Variants in POU6F2 observed in about 807,000 individuals in gnomAD.
POU6F2 encodes POU class 6 homeobox 2, also known as POU domain, class 6, transcription factor 2.
Under a neutral mutation model 71.3 loss-of-function variants are expected in POU6F2, and 31 were observed. The ratio of observed to expected loss-of-function variants is 0.43; its 90% confidence interval spans 0.33 to 0.59. The LOEUF (loss-of-function observed/expected upper bound fraction) is 0.59. Ranked by LOEUF, POU6F2 falls within the 20% of genes least tolerant of loss-of-function variation. The pLI, the probability that POU6F2 is intolerant of heterozygous loss-of-function variation, is 0.04. For missense variants in POU6F2, 783 were observed against 856.8 expected, an observed-to-expected ratio of 0.91 and a Z score of 1.07; for synonymous variants, 347 against 355.7, an observed-to-expected ratio of 0.98 and a Z score of 0.27.
At chr7:39,393,956 AG>A (rs1787126046) in intron 5 of POU6F2, among the ~76,000 whole-genome samples, 1 of 152,220 alleles carries the variant, frequency 6.6e-6, no homozygotes, top group Non-Finnish European at 1.5e-5. Flanking sequence ...ACTTAAGAAA[AG>A]TTTCTTGGGT....
At chr7:39,250,705 C>G (rs1783899206) in intron 4 of POU6F2, among the ~76,000 whole-genome samples, 1 of 152,194 alleles carries the variant, frequency 6.6e-6, no homozygotes, top group Non-Finnish European at 1.5e-5. Flanking sequence ...GCCACCGCTA[C>G]TCTGCTCAGT....
chr7:39,348,803 G>A (rs932941125), intron 5 of POU6F2, among the ~76,000 whole-genome samples: 1 of 152,134 alleles, frequency 6.6e-6, no homozygotes, highest in Non-Finnish European at 1.5e-5. Flanking sequence ...AAGATAGATG[G>A]GTAGATAGAA....
Position 39,135,448 on chromosome 7 carries a change from T to C in POU6F2, c.277+49417T>C, listed in dbSNP as rs186520724. Reference sequence around the variant, plus strand: ...AAATGTAAGCACAAGACCAGGAAACTATATTCAAAAGTACCTTAGAATGAC... The same window carrying C: ...AAATGTAAGCACAAGACCAGGAAACCATATTCAAAAGTACCTTAGAATGAC... On this transcript the variant is annotated intron_variant, in intron 2 of 9. Coordinates refer to ENST00000518318, the MANE Select transcript of POU6F2 (RefSeq NM_001370959.1). 3.9e-5 allele frequency among the ~76,000 whole-genome samples: 6 copies of C among 152,274 alleles called. No homozygotes were observed. In the East Asian group the frequency reaches 1.2e-3, roughly 29 times the overall value.
chr7:39,165,448 G>A (rs562891974), intron 2 of POU6F2, among the ~76,000 whole-genome samples: 2 of 152,112 alleles, frequency 1.3e-5, no homozygotes, highest in South Asian at 4.1e-4. Context: ...TGGCAGTTTC[G>A]TTAACTATTT....
At chr7:39,045,567 G>T (rs1790276753) in intron 1 of POU6F2, among the ~76,000 whole-genome samples, 1 of 149,872 alleles carries the variant, frequency 6.7e-6, no homozygotes, top group Admixed American at 6.7e-5. Flanking sequence ...AATCTTTATT[G>T]AGGCATAATT....
At chr7:39,234,065 A>G (rs542492660) in intron 4 of POU6F2, among the ~76,000 whole-genome samples, 12 of 152,326 alleles carry the variant, frequency 7.9e-5, no homozygotes, top group Non-Finnish European at 1.6e-4. Flanking sequence ...TGCTAAGCAT[A>G]CAGCACTATA....
At chr7:39,462,527 GC>G in intron 9 of POU6F2, among the ~76,000 whole-genome samples, 1 of 152,160 alleles carries the variant, frequency 6.6e-6, no homozygotes, top group Non-Finnish European at 1.5e-5. Flanking sequence ...ACACTGATCA[GC>G]CCTATCACAA....
rs1435740379 is a variant in POU6F2, at chr7:39,009,765, C to T, written c.105+31707C>T. Among the ~76,000 whole-genome samples, 4 of 151,600 alleles carry T rather than the reference C, an allele frequency of 2.6e-5. No homozygotes were observed. In the East Asian group the frequency reaches 7.8e-4, roughly 30 times the overall value. On this transcript the variant is annotated intron_variant, in intron 1 of 9. Transcript: ENST00000518318. ...TGAATTTTGTCAAAGGCTTTTTCTGCATCTATTGAGATAATCATGTGGTTT... is the reference window on the plus strand; with the variant it reads ...TGAATTTTGTCAAAGGCTTTTTCTGTATCTATTGAGATAATCATGTGGTTT...
At chr7:39,395,283 T>G (rs1787151288) in intron 5 of POU6F2, among the ~76,000 whole-genome samples, 1 of 152,160 alleles carries the variant, frequency 6.6e-6, no homozygotes, top group African/African-American at 2.4e-5. Context: ...ATATCAGAAG[T>G]GCCAAACTAG....
intron 4 of POU6F2, among the ~76,000 whole-genome samples, chr7:39,235,905 T>C (rs1461318172): frequency 6.6e-6 from 1 of 152,142 alleles, no homozygotes; most frequent in Non-Finnish European, 1.5e-5. Context: ...ATCGAGAGCA[T>C]CATTTGATGA....
intron 2 of POU6F2, among the ~76,000 whole-genome samples, chr7:39,198,659 G>A (rs1308106326): frequency 6.6e-6 from 1 of 152,240 alleles, no homozygotes; most frequent in Non-Finnish European, 1.5e-5. Context: ...AGCATGGCTT[G>A]TAGAATTAGC....
At chr7:39,246,773 AT>A (rs202185820) in intron 4 of POU6F2, among the ~76,000 whole-genome samples, 2,110 of 147,900 alleles carry the variant, frequency 0.014, 38 homozygotes, top group African/African-American at 0.04. Flanking sequence ...GAACCAGGAC[AT>A]TTTTTTTTTT....
At chr7:39,061,247 TTATGA>T (rs1423019112) in intron 1 of POU6F2, among the ~76,000 whole-genome samples, 2 of 152,196 alleles carry the variant, frequency 1.3e-5, no homozygotes, top group African/African-American at 2.4e-5. Context: ...GTTTATTCTA[TTATGA>T]TATGTTTATT....
In POU6F2 at chr7:39,435,443, T is replaced by C. The variant is rs1266322274; in HGVS notation, c.1320+2160T>C. ...TGTGTAAATGTCTTCTTTTGAGAAG[T>C]CTGTTCATATCCTTCGCCCACTTTT... is the stretch of plus-strand genomic sequence containing the variant. On this transcript the variant is annotated intron_variant, in intron 7 of 9. Transcript: ENST00000518318. Among the ~76,000 whole-genome samples the C allele has an allele frequency of 3.3e-5, 5 of 152,342 alleles. No homozygotes were observed. The East Asian group carries it at 7.7e-4, about 23-fold the overall frequency.
At chr7:39,010,822 A>G (rs1789257532) in intron 1 of POU6F2, among the ~76,000 whole-genome samples, 2 of 149,634 alleles carry the variant, frequency 1.3e-5, no homozygotes. Context: ...GTTTCCATGT[A>G]GTTGAGTGGT....
At chr7:39,348,198 T>C (rs1046911851) in intron 5 of POU6F2, among the ~76,000 whole-genome samples, 6 of 107,620 alleles carry the variant, frequency 5.6e-5, no homozygotes, top group African/African-American at 1.5e-4. Flanking sequence ...CCCAAAGTTG[T>C]GGTTTTTAGT....
intron 6 of POU6F2, among the ~76,000 whole-genome samples, chr7:39,422,432 C>A (rs1205017064): frequency 6.6e-6 from 1 of 152,182 alleles, no homozygotes; most frequent in Non-Finnish European, 1.5e-5. Flanking sequence ...TGCGATATCT[C>A]ATGTGCCCTT....
chr7:39,406,592 C>T lies in POU6F2; in HGVS notation c.973-8C>T. The T allele has an allele frequency of 6.2e-7, 1 of 1,612,472 alleles. No individual in the cohort carries two copies. Among genetic ancestry groups the T allele is most frequent in the Non-Finnish European group, 8.5e-7 (1 of 1,179,718 alleles). ...TGGTTTTCACGGTGATCTTTTCTCTCTTTGCAGCTGGTTAATAATCCACTA... is the reference window on the plus strand; with the variant it reads ...TGGTTTTCACGGTGATCTTTTCTCTTTTTGCAGCTGGTTAATAATCCACTA... On this transcript the variant is annotated splice_polypyrimidine_tract_variant and splice_region_variant and intron_variant, in intron 5 of 9. Transcript: ENST00000518318.
At chr7:39,233,106 C>T (rs1483412888) in intron 4 of POU6F2, among the ~76,000 whole-genome samples, 1 of 152,166 alleles carries the variant, frequency 6.6e-6, no homozygotes, top group Non-Finnish European at 1.5e-5. Flanking sequence ...TTATTAACCA[C>T]TTATCCTATG....
Sources: allele counts gnomAD v4.1 joint callset (sites outside exome capture counted in the v4.1 genomes callset), GRCh38; gene constraint gnomAD v4.1.1; transcripts MANE v1.5; gene names NCBI Gene and HGNC (gene_info 2026-07-23, HGNC 2026-07-21).